The following BRWD3 variants were observed in gnomAD, a reference collection of about 807,000 sequenced individuals.
BRWD3 encodes the protein bromodomain and WD repeat-containing protein 3.
In BRWD3, 10 loss-of-function variants were observed where a neutral mutation model predicts 149.7. The ratio of observed to expected loss-of-function variants is 0.07; its 90% confidence interval spans 0.04 to 0.11. The LOEUF (loss-of-function observed/expected upper bound fraction) is 0.11. Among genes scored for constraint, BRWD3 ranks in the 10% least tolerant of loss-of-function variants. The pLI is 1.00. For missense variants in BRWD3, 940 were observed against 1,373.2 expected (o/e 0.68, Z 4.99); for synonymous variants, 504 against 456.7 (o/e 1.10, Z -1.32).
rs1009917222 is a variant in BRWD3 at position 80,676,475 on chromosome X, A to G, written c.*134T>C. 5 of 792,405 alleles carry G rather than the reference A, an allele frequency of 6.3e-6. No homozygotes were observed. Among genetic ancestry groups the G allele is most frequent in the Admixed American group, 3.0e-5 (1 of 33,409 alleles). 65.3% of individuals were successfully genotyped at this position (792,405 alleles called of 1,213,427 possible). ...ATCAAAAGTCTTGAAACAAATGTAT[A>G]CTGGCATAAATGGAAAAGCACCAAT... On this transcript the variant is annotated 3_prime_UTR_variant, in exon 41 of 41. Transcript: ENST00000373275.
intron 24 of BRWD3, among the ~76,000 whole-genome samples, chrX:80,703,068 C>T (rs552836746): frequency 1.8e-5 from 2 of 111,341 alleles, no homozygotes; most frequent in Non-Finnish European, 3.8e-5. Context: ...CATTCCCCTG[C>T]TCATTTAAAG....
intron 6 of BRWD3, among the ~76,000 whole-genome samples, chrX:80,767,808 T>C (rs1484963515): frequency 9.0e-6 from 1 of 111,439 alleles, no homozygotes; most frequent in Admixed American, 9.5e-5. Context: ...TTCGAACCCA[T>C]TGCAAGGAAG....
intron 6 of BRWD3, among the ~76,000 whole-genome samples, chrX:80,773,942 G>A (rs903649326): frequency 1.8e-5 from 2 of 112,140 alleles, no homozygotes; most frequent in African/African-American, 6.5e-5. Flanking sequence ...AGCAACAACT[G>A]CCCTGAACAC....
intron 31 of BRWD3, among the ~76,000 whole-genome samples, chrX:80,690,720 A>G (rs748763288): frequency 3.9e-4 from 44 of 111,574 alleles, no homozygotes; most frequent in African/African-American, 1.4e-3. Context: ...CAAATTCTCC[A>G]ACAGAGGATT....
intron 6 of BRWD3, among the ~76,000 whole-genome samples, chrX:80,751,903 AT>A (rs887461862): frequency 9.2e-6 from 1 of 108,881 alleles, no homozygotes; most frequent in Non-Finnish European, 1.9e-5. Flanking sequence ...ACATGACTTC[AT>A]TTTTTTTATG....
Position 80,683,409 on chromosome X carries a change from G to C in BRWD3, c.4233+601C>G, listed in dbSNP as rs1245736048. On this transcript the variant is annotated intron_variant, in intron 37 of 40. Transcript: ENST00000373275. ...GTTACTCTAGCAATCAGGATCAAGG[G>C]GGAGGGGGAAGCAAGTGTAAACAAA... is the stretch of plus-strand genomic sequence containing the variant. Among the ~76,000 whole-genome samples the C allele has an allele frequency of 4.5e-5, 5 of 111,208 alleles. No homozygotes were observed. The East Asian group carries it at 1.4e-3, about 31-fold the overall frequency.
intron 6 of BRWD3, among the ~76,000 whole-genome samples, chrX:80,761,714 T>C (rs1053876234): frequency 8.9e-6 from 1 of 111,822 alleles, no homozygotes; most frequent in African/African-American, 3.2e-5. Context: ...TGAATTAGAT[T>C]TCTTAGGTAT....
In BRWD3 at chrX:80,808,608, G is replaced by A. The variant is rs780616155; in HGVS notation, c.121-10C>T. The stretch of plus-strand genomic sequence containing the variant: ...AGCGGCGCGGAATCAGCTGGGGGCC[G>A]GACGAAAAGAAAGGGGGAAGCGGAG... On this transcript the variant is annotated splice_polypyrimidine_tract_variant and intron_variant, in intron 3 of 40. Coordinates refer to ENST00000373275, the MANE Select transcript of BRWD3 (RefSeq NM_153252.5). 8.3e-7 allele frequency: 1 copy of A among 1,206,193 alleles called. No homozygotes were observed. The highest frequency in any genetic ancestry group is 1.8e-5 in the South Asian group (1 of 56,747).
intron 20 of BRWD3, chrX:80,710,163 T>C (rs1380270421): frequency 1.2e-5 from 6 of 511,809 alleles, no homozygotes; most frequent in Non-Finnish European, 2.2e-5. Context: ...GATGGTAAAC[T>C]GTTACGTAAT....
At position 80,681,358 on chromosome X, in the gene BRWD3, A is replaced by C; in HGVS notation, c.4637T>G (p.Val1546Gly). Residue 1546 changes from valine (V) to glycine (G), a missense_variant, in exon 40 of 41, where the codon GTT becomes GGT. Transcript: ENST00000373275. ...PGKAKSFRNR[V>G]LPVKQDHSLD... ...TTTCCTACCTTGTTTAACTGGCAAAACTCTATTCCGAAATGATTTGGCTTT... is the reference window on the plus strand; with the variant it reads ...TTTCCTACCTTGTTTAACTGGCAAACCTCTATTCCGAAATGATTTGGCTTT... The C allele has an allele frequency of 2.5e-6, 3 of 1,209,700 alleles. No homozygotes were observed. Among genetic ancestry groups the C allele is most frequent in the Non-Finnish European group, 3.4e-6 (3 of 894,638 alleles).
intron 14 of BRWD3, among the ~76,000 whole-genome samples, chrX:80,727,831 A>C (rs1000867518): frequency 9.0e-6 from 1 of 111,398 alleles, no homozygotes; most frequent in Non-Finnish European, 1.9e-5. Context: ...CCCTGTTAGA[A>C]GTTTGCATTC....
chrX:80,749,644 A>C (rs2073639843), intron 6 of BRWD3, among the ~76,000 whole-genome samples: 1 of 110,816 alleles, frequency 9.0e-6, no homozygotes, highest in South Asian at 3.8e-4. Flanking sequence ...TCAGCAGCTC[A>C]ATGTCAAAAA....
chrX:80,713,017 T>TG (rs1469705760), intron 20 of BRWD3, among the ~76,000 whole-genome samples: 3 of 99,694 alleles, frequency 3.0e-5, no homozygotes, highest in East Asian at 3.3e-4. Context: ...GGGAGGGAGG[T>TG]GGGGGGGCCA....
At chrX:80,689,734 A>C (rs750762726) in intron 33 of BRWD3, 34 bp downstream of exon 33, 1 of 1,100,328 alleles carries the variant, frequency 9.1e-7, no homozygotes, top group African/African-American at 1.8e-5. Context: ...AGAGAAAAGT[A>C]ACTCATTCCT....
intron 4 of BRWD3, among the ~76,000 whole-genome samples, chrX:80,797,180 AGGT>A (rs1469016115): frequency 8.9e-6 from 1 of 112,085 alleles, no homozygotes; most frequent in Non-Finnish European, 1.9e-5. Context: ...AAAAGTCTTA[AGGT>A]GCTGCATATT....
intron 6 of BRWD3, among the ~76,000 whole-genome samples, chrX:80,767,448 G>A (rs2073876700): frequency 9.0e-6 from 1 of 111,212 alleles, no homozygotes; most frequent in Non-Finnish European, 1.9e-5. Context: ...AACACCAACA[G>A]ACCTGCAGCT....
At chrX:80,714,136 C>T (rs2073038829) in intron 20 of BRWD3, among the ~76,000 whole-genome samples, 1 of 107,893 alleles carries the variant, frequency 9.3e-6, no homozygotes, top group African/African-American at 3.4e-5. Flanking sequence ...CGATAACAAA[C>T]ATTTACAACC....
Position 80,685,547 on chromosome X carries a change from G to A in BRWD3, c.4006-11C>T, listed in dbSNP as rs1346531830. ...TTGCTCCTGATGACCCTATTAGGGT[G>A]AAGAACATATACTGGTTTCCAGACA... On this transcript the variant is annotated splice_polypyrimidine_tract_variant and intron_variant, in intron 35 of 40. Transcript: ENST00000373275. 3.4e-6 allele frequency: 4 copies of A among 1,168,939 alleles called. No homozygotes were observed.
Position 80,809,513 on chromosome X carries a change from TGGCGGG to T in BRWD3, c.-48_-43del. 3 of 313,658 alleles carry T rather than the reference TGGCGGG, an allele frequency of 9.6e-6. No individual in the cohort carries two copies. Among genetic ancestry groups the T allele is most frequent in the Non-Finnish European group, 1.7e-5 (3 of 175,492 alleles). The allele number at this position is 313,658 out of a possible 1,213,427, so 25.8% of individuals were successfully genotyped here. A position where few individuals can be genotyped will look rare whatever the true frequency, so the allele number is the denominator to read the frequency against. ...TTTGGGGGCTTCGCTCCGGAGGGGC[TGGCGGG>T]GGCGGGTGGGGGCGCTGCCTCTATT... On this transcript the variant is annotated 5_prime_UTR_variant, in exon 1 of 41. Coordinates refer to ENST00000373275, the MANE Select transcript of BRWD3 (RefSeq NM_153252.5).
Sources: allele counts gnomAD v4.1 joint callset (sites outside exome capture counted in the v4.1 genomes callset), GRCh38; gene constraint gnomAD v4.1.1; transcripts MANE v1.5; gene names NCBI Gene and HGNC (gene_info 2026-07-23, HGNC 2026-07-21).